KCNH5: variants seen among roughly 807,000 people sequenced by gnomAD.
KCNH5 encodes the protein voltage-gated delayed rectifier potassium channel KCNH5.
A neutral mutation model predicts 96.1 loss-of-function variants in KCNH5; 46 were observed. The ratio of observed to expected loss-of-function variants is 0.48; its 90% confidence interval spans 0.38 to 0.61. KCNH5 has a LOEUF of 0.61. KCNH5 is among the 20% of genes least tolerant of loss of function. The pLI is 0.00. For synonymous variants in KCNH5, 439 were observed against 449.8 expected (o/e 0.98, Z 0.30); for missense variants, 907 against 1,225.8 (o/e 0.74, Z 3.88).
intron 8 of KCNH5, among the ~76,000 whole-genome samples, chr14:62,814,566 G>T (rs903937893): frequency 2.6e-5 from 4 of 151,730 alleles, no homozygotes; most frequent in African/African-American, 9.7e-5. Flanking sequence ...AAAAGAATGA[G>T]CCAGTCAGGA....
At chr14:62,821,952 A>G (rs188658779) in intron 8 of KCNH5, among the ~76,000 whole-genome samples, 89 of 152,308 alleles carry the variant, frequency 5.8e-4, no homozygotes, top group Middle Eastern at 3.4e-3. Flanking sequence ...CCTAATGCCA[A>G]AGAAATATTC....
At chr14:62,967,423 T>C (rs553359964) in intron 6 of KCNH5, among the ~76,000 whole-genome samples, 117 of 151,936 alleles carry the variant, frequency 7.7e-4, no homozygotes, top group African/African-American at 2.7e-3. Flanking sequence ...GAAACATAAA[T>C]GACATGTTCC....
intron 7 of KCNH5, among the ~76,000 whole-genome samples, chr14:62,854,785 CCTT>C (rs1162190115): frequency 2.0e-5 from 3 of 151,448 alleles, no homozygotes; most frequent in Non-Finnish European, 4.4e-5. Flanking sequence ...CCAGCAAATG[CCTT>C]ACATAGAAAG....
chr14:62,944,626 T>C (rs1352174540), intron 7 of KCNH5, among the ~76,000 whole-genome samples: 1 of 152,132 alleles, frequency 6.6e-6, no homozygotes, highest in Non-Finnish European at 1.5e-5. Flanking sequence ...TGATACTATA[T>C]TTACAAAGAG....
intron 8 of KCNH5, among the ~76,000 whole-genome samples, chr14:62,831,294 T>C (rs1352850129): frequency 6.6e-6 from 1 of 152,176 alleles, no homozygotes; most frequent in Non-Finnish European, 1.5e-5. Flanking sequence ...ATGTATCAAA[T>C]TTGCAGTATT....
intron 7 of KCNH5, among the ~76,000 whole-genome samples, chr14:62,876,113 G>C (rs140468696): frequency 6.6e-6 from 1 of 152,196 alleles, no homozygotes; most frequent in African/African-American, 2.4e-5. Flanking sequence ...GTTGCAGTGA[G>C]TCGAGATGGT....
chr14:62,959,915 GT>G (rs1890175584), intron 6 of KCNH5, among the ~76,000 whole-genome samples: 1 of 152,014 alleles, frequency 6.6e-6, no homozygotes, highest in Admixed American at 6.6e-5. Flanking sequence ...TATTCAATCT[GT>G]TCTGAACACT....
intron 6 of KCNH5, among the ~76,000 whole-genome samples, chr14:62,972,962 T>G (rs1890436819): frequency 6.6e-6 from 1 of 152,114 alleles, no homozygotes; most frequent in South Asian, 2.1e-4. Flanking sequence ...TCCAAACCCA[T>G]TAAATGTACA....
intron 6 of KCNH5, among the ~76,000 whole-genome samples, chr14:62,975,859 A>C (rs2139562263): frequency 6.6e-6 from 1 of 152,308 alleles, no homozygotes; most frequent in African/African-American, 2.4e-5. Flanking sequence ...AAACAGATTA[A>C]ACTTGCCTGT....
chr14:62,960,153 G>A (rs1890179476), intron 6 of KCNH5, among the ~76,000 whole-genome samples: 1 of 152,258 alleles, frequency 6.6e-6, no homozygotes, highest in South Asian at 2.1e-4. Context: ...TAAATGGAAT[G>A]TTCTATAATT....
chr14:62,986,910 G>T (rs1890719122), intron 5 of KCNH5, among the ~76,000 whole-genome samples, 162 bp downstream of exon 5: 1 of 152,138 alleles, frequency 6.6e-6, no homozygotes, highest in Admixed American at 6.6e-5. Flanking sequence ...TGGAGAGAAT[G>T]AATAGAAATA....
At chr14:62,804,338 TAA>T (rs1458785329) in intron 8 of KCNH5, among the ~76,000 whole-genome samples, 1 of 152,200 alleles carries the variant, frequency 6.6e-6, no homozygotes, top group African/African-American at 2.4e-5. Flanking sequence ...TTATTTTCTA[TAA>T]GGCAATGTTT....
chr14:62,787,825 T>C (rs764905698), intron 9 of KCNH5, among the ~76,000 whole-genome samples: 30 of 152,332 alleles, frequency 2.0e-4, no homozygotes, highest in Non-Finnish European at 3.4e-4. Flanking sequence ...CTTTACTGAA[T>C]ATTTTAAGCC....
At chr14:62,921,411 C>T (rs56707304) in intron 7 of KCNH5, among the ~76,000 whole-genome samples, 21,360 of 151,970 alleles carry the variant, frequency 0.14, 1,736 homozygotes, top group East Asian at 0.37. Context: ...TAACTGAATG[C>T]ATAATGTCTA....
chr14:62,789,910 A>G (rs1452212678), intron 9 of KCNH5, among the ~76,000 whole-genome samples: 1 of 151,780 alleles, frequency 6.6e-6, no homozygotes, highest in Non-Finnish European at 1.5e-5. Context: ...GTGTGATGTA[A>G]CCCTATTTAT....
At chr14:62,770,200 G>A (rs1021294074) in intron 10 of KCNH5, among the ~76,000 whole-genome samples, 1 of 152,198 alleles carries the variant, frequency 6.6e-6, no homozygotes, top group African/African-American at 2.4e-5. Context: ...GATGCAATCT[G>A]CGACACATGT....
intron 6 of KCNH5, among the ~76,000 whole-genome samples, chr14:62,958,000 A>C (rs562500291): frequency 2.6e-5 from 4 of 152,360 alleles, no homozygotes; most frequent in Admixed American, 2.6e-4. Context: ...TAAAAATGTA[A>C]GAAAAGTGCA....
chr14:62,949,857 G>A (rs570487223), intron 7 of KCNH5: 67 of 213,960 alleles, frequency 3.1e-4, no homozygotes, highest in African/African-American at 5.5e-4. Context: ...TGGAATGTGC[G>A]AAACGCCACC....
At position 62,962,226 on chromosome 14, in the gene KCNH5, CCTT is replaced by C. The variant is rs546005123; in HGVS notation, c.943-11670_943-11668del. Among the ~76,000 whole-genome samples the C allele has an allele frequency of 1.8e-4, 27 of 152,198 alleles. No homozygotes were observed. The South Asian group carries it at 5.2e-3, about 29-fold the overall frequency. ...GTATTTTTACCTTCAAATACAACCTCCTTGTTTCAGCCCTTTGACCAGGACATC... is the reference window on the plus strand; with the variant it reads ...GTATTTTTACCTTCAAATACAACCTCGTTTCAGCCCTTTGACCAGGACATC... On this transcript the variant is annotated intron_variant, in intron 6 of 10. Coordinates refer to ENST00000322893, the MANE Select transcript of KCNH5 (RefSeq NM_139318.5).
Sources: gnomAD v4.1 joint callset for allele counts (sites outside exome capture counted in the v4.1 genomes callset) on GRCh38, gnomAD v4.1.1 for gene constraint, MANE v1.5 for transcripts, NCBI Gene and HGNC (gene_info 2026-07-23, HGNC 2026-07-21) for gene names.